Variants in KALRN observed in about 807,000 individuals in gnomAD.
KALRN encodes the protein kalirin.
KALRN carries 70 observed loss-of-function variants against 353.7 expected under a neutral mutation model. The ratio of observed to expected loss-of-function variants is 0.20; its 90% CI spans 0.16 to 0.24. The LOEUF is 0.24. KALRN is among the 10% of genes least tolerant of loss of function. The probability of loss-of-function intolerance (pLI) is 1.00; values close to 1 mark genes in which losing one functional copy is unlikely to be tolerated. For synonymous variants in KALRN, 1,391 were observed against 1,434.8 expected (o/e 0.97, Z 0.69); for missense variants, 2,791 against 3,756.7 (o/e 0.74, Z 6.72).
At chr3:124,327,161 A>T (rs1485235408) in intron 7 of KALRN, among the ~76,000 whole-genome samples, 1 of 152,206 alleles carries the variant, frequency 6.6e-6, no homozygotes, top group African/African-American at 2.4e-5. Context: ...TAAGAAAATG[A>T]GGGAGAAAGT....
At chr3:124,243,693 G>T (rs1008611293) in intron 3 of KALRN, among the ~76,000 whole-genome samples, 2 of 152,186 alleles carry the variant, frequency 1.3e-5, no homozygotes, top group African/African-American at 4.8e-5. Flanking sequence ...AGTCCAGGAA[G>T]AATGAACCCC....
chr3:124,718,803 G>A, intron 59 of KALRN, 122 bp from the exon 60 acceptor site: 1 of 904,250 alleles, frequency 1.1e-6, no homozygotes, highest in Non-Finnish European at 1.7e-6. Flanking sequence ...GGAATTTTCT[G>A]TACACCATAG....
At chr3:124,232,528 G>C (rs6777756) in intron 2 of KALRN, among the ~76,000 whole-genome samples, 16 of 152,136 alleles carry the variant, frequency 1.1e-4, no homozygotes, top group East Asian at 3.9e-4. Flanking sequence ...TGTGGGCTGG[G>C]CCCCCGCCTT....
At chr3:124,111,265 A>G (rs1049206429) in intron 1 of KALRN, among the ~76,000 whole-genome samples, 4 of 152,186 alleles carry the variant, frequency 2.6e-5, no homozygotes, top group Non-Finnish European at 5.9e-5. Context: ...TGCAGAACCG[A>G]TAACAACTGA....
intron 10 of KALRN, among the ~76,000 whole-genome samples, chr3:124,352,666 GT>G (rs1212069326): frequency 6.7e-6 from 1 of 149,018 alleles, no homozygotes; most frequent in Non-Finnish European, 1.5e-5. Flanking sequence ...AACCCTTGTG[GT>G]TTTTTTGTTT....
chr3:124,270,504 T>C (rs2074016382), intron 5 of KALRN, among the ~76,000 whole-genome samples: 1 of 152,228 alleles, frequency 6.6e-6, no homozygotes, highest in African/African-American at 2.4e-5. Flanking sequence ...TTATAACATA[T>C]AGTAAAAAAA....
chr3:124,296,447 A>G (rs778828772), intron 5 of KALRN, among the ~76,000 whole-genome samples: 5 of 151,904 alleles, frequency 3.3e-5, no homozygotes, highest in African/African-American at 4.8e-5. Context: ...AAATCTGCCA[A>G]TTTCTCAGAC....
At chr3:124,327,541 A>G (rs936850083) in intron 7 of KALRN, among the ~76,000 whole-genome samples, 5 of 152,218 alleles carry the variant, frequency 3.3e-5, no homozygotes, top group African/African-American at 9.6e-5. Context: ...CATTCTTTAT[A>G]TCAGTAGGAT....
chr3:124,657,782 G>A lies in KALRN; in HGVS notation c.6015G>A (p.Leu2005=). The change falls in exon 41 of 60, where the codon TTG becomes TTA. Residue 2005 remains leucine, a synonymous_variant. Coordinates refer to ENST00000682506, the MANE Select transcript of KALRN (RefSeq NM_001388419.1). ...AGTGTATCCAGGAGCAAGACAGATT[G>A]GCACAGCTCTTTATTAAGCACGTGA... ...LEKCIQEQDR[L]AQLFIKHERK... 1 of 1,613,392 alleles carries A rather than the reference G, an allele frequency of 6.2e-7. No individual in the cohort carries two copies. Among genetic ancestry groups the A allele is most frequent in the Non-Finnish European group, 8.5e-7 (1 of 1,179,318 alleles).
At chr3:124,420,342 A>C (rs534112289) in intron 14 of KALRN, among the ~76,000 whole-genome samples, 6 of 152,352 alleles carry the variant, frequency 3.9e-5, no homozygotes, top group African/African-American at 1.4e-4. Flanking sequence ...CATCCTGAAC[A>C]CCAGAGACAC....
At chr3:124,492,630 C>T (rs1402646685) in intron 31 of KALRN, 110 bp from the exon 32 acceptor site, 1 of 1,166,708 alleles carries the variant, frequency 8.6e-7, no homozygotes, top group African/African-American at 1.5e-5. Context: ...ACTCCCCAGA[C>T]ATTTGGAATC....
In KALRN at chr3:124,033,583, C is replaced by T. The variant is rs2039089263; in HGVS notation, c.-158C>T. On this transcript the variant is annotated 5_prime_UTR_variant, in exon 1 of 60. Transcript: ENST00000682506. This position sits in a 1 kb window ranked among gnomAD's most constrained non-coding sequence, Gnocchi z 6.2. Reference sequence around the variant, plus strand: ...TGAGGGAGGCTCAGCGTCCTCTGCCCCAGCCCCGCCGCCCAACGCCCGCCC... The same window carrying T: ...TGAGGGAGGCTCAGCGTCCTCTGCCTCAGCCCCGCCGCCCAACGCCCGCCC... 6.6e-6 allele frequency among the ~76,000 whole-genome samples: 1 copy of T among 151,478 alleles called. No individual in the cohort carries two copies. Among genetic ancestry groups the T allele is most frequent in the African/African-American group, 2.4e-5 (1 of 41,324 alleles).
chr3:124,404,340 T>C (rs1342599773), intron 13 of KALRN, among the ~76,000 whole-genome samples: 2 of 152,154 alleles, frequency 1.3e-5, no homozygotes, highest in African/African-American at 4.8e-5. Flanking sequence ...CAGCCCTCTA[T>C]GGTATATATC....
chr3:124,497,628 T>A (rs1481979835), intron 33 of KALRN, among the ~76,000 whole-genome samples: 4 of 152,218 alleles, frequency 2.6e-5, no homozygotes, highest in Non-Finnish European at 4.4e-5. Flanking sequence ...TCAGAGTGGA[T>A]GGAAAATTAG....
At chr3:124,093,413 A>G (rs532732507) in intron 1 of KALRN, among the ~76,000 whole-genome samples, 1 of 152,312 alleles carries the variant, frequency 6.6e-6, no homozygotes, top group South Asian at 2.1e-4. Flanking sequence ...CTTGGAGAAC[A>G]AGGTCATCCT....
chr3:124,086,353 GTT>G (rs1184866070), intron 1 of KALRN, among the ~76,000 whole-genome samples: 7 of 143,228 alleles, frequency 4.9e-5, no homozygotes, highest in East Asian at 2.1e-4. Context: ...GTGTGTGTGT[GTT>G]TTTGCTGGGG....
At chr3:124,610,037 T>C (rs1022270813) in intron 34 of KALRN, among the ~76,000 whole-genome samples, 8 of 152,212 alleles carry the variant, frequency 5.3e-5, no homozygotes, top group Non-Finnish European at 8.8e-5. Context: ...AAATCTTTTT[T>C]CCCCAACAAA....
At chr3:124,656,953 G>A (rs1482553807) in intron 39 of KALRN, among the ~76,000 whole-genome samples, 3 of 152,190 alleles carry the variant, frequency 2.0e-5, no homozygotes, top group Non-Finnish European at 4.4e-5. Context: ...TCAGTGGTGC[G>A]ATTATGGACA....
At chr3:124,043,761 A>T (rs2040176074) in intron 1 of KALRN, among the ~76,000 whole-genome samples, 1 of 152,144 alleles carries the variant, frequency 6.6e-6, no homozygotes, top group Non-Finnish European at 1.5e-5. Context: ...ATCTAAAGTT[A>T]GCAATCCGTT....
Sources: gnomAD v4.1 joint callset for allele counts (sites outside exome capture counted in the v4.1 genomes callset) on GRCh38, gnomAD v4.1.1 for gene constraint, Gnocchi (gnomAD v3.1) non-coding constraint, MANE v1.5 for transcripts, NCBI Gene and HGNC (gene_info 2026-07-23, HGNC 2026-07-21) for gene names.